SPOCK3: variants seen among roughly 807,000 people sequenced by gnomAD.
SPOCK3 encodes testican-3.
A neutral mutation model predicts 56.6 loss-of-function variants in SPOCK3; 30 were observed. That is an observed-to-expected ratio of 0.53 (90% CI 0.40 to 0.72). SPOCK3 has a LOEUF of 0.72. Among genes scored for constraint, SPOCK3 ranks in the 30% least tolerant of loss-of-function variants. The probability of loss-of-function intolerance (pLI) is 0.00; values close to 1 mark genes in which losing one functional copy is unlikely to be tolerated. For missense variants in SPOCK3, 527 were observed against 530.0 expected, an observed-to-expected ratio of 0.99 and a Z score of 0.06; for synonymous variants, 196 against 183.3, an observed-to-expected ratio of 1.07 and a Z score of -0.56.
intron 2 of SPOCK3, among the ~76,000 whole-genome samples, chr4:167,146,591 C>T (rs559221764): frequency 1.4e-4 from 21 of 152,104 alleles, no homozygotes; most frequent in South Asian, 4.1e-4. Context: ...TGCGAAAGAA[C>T]GGAAATAATA....
chr4:166,928,440 C>T (rs1375348441), intron 4 of SPOCK3, among the ~76,000 whole-genome samples: 1 of 152,138 alleles, frequency 6.6e-6, no homozygotes, highest in Non-Finnish European at 1.5e-5. Flanking sequence ...CCAGGAAAGG[C>T]TACCTACTGT....
intron 6 of SPOCK3, among the ~76,000 whole-genome samples, chr4:166,875,012 G>A (rs1732930547): frequency 6.6e-6 from 1 of 151,968 alleles, no homozygotes; most frequent in African/African-American, 2.4e-5. Flanking sequence ...GCTTACATAT[G>A]GCTAAAATCT....
rs547405785 is a variant in SPOCK3, at chr4:167,171,833, C to T, written c.189+62152G>A. 9.4e-5 allele frequency among the ~76,000 whole-genome samples: 14 copies of T among 148,648 alleles called. No homozygotes were observed. In the East Asian group the frequency reaches 1.2e-3, roughly 13 times the overall value. ...TATTTATATTCTCTTGTACATGGGA[C>T]GAGACAGGAATAAATAGAAAGATAA... On this transcript the variant is annotated intron_variant, in intron 2 of 10. Coordinates refer to ENST00000357545, the MANE Select transcript of SPOCK3 (RefSeq NM_001040159.2).
At chr4:167,035,230 C>T (rs1475150240) in intron 3 of SPOCK3, among the ~76,000 whole-genome samples, 1 of 151,922 alleles carries the variant, frequency 6.6e-6, no homozygotes, top group East Asian at 1.9e-4. Context: ...CTCAAGAGAC[C>T]TGATGTAGCA....
intron 4 of SPOCK3, among the ~76,000 whole-genome samples, chr4:166,950,326 A>G (rs1742393007): frequency 6.6e-6 from 1 of 151,486 alleles, no homozygotes; most frequent in Non-Finnish European, 1.5e-5. Context: ...ACAAAGATCA[A>G]AAGAGACAAA....
At chr4:166,787,890 A>C (rs1740902455) in intron 7 of SPOCK3, among the ~76,000 whole-genome samples, 1 of 152,190 alleles carries the variant, frequency 6.6e-6, no homozygotes, top group Non-Finnish European at 1.5e-5. Context: ...ATTATAAAAA[A>C]CATAAATTTG....
intron 3 of SPOCK3, among the ~76,000 whole-genome samples, chr4:167,022,426 T>C (rs1751280913): frequency 6.6e-6 from 1 of 151,960 alleles, no homozygotes; most frequent in Admixed American, 6.6e-5. Flanking sequence ...TGTAGGAACA[T>C]ACCATCATTA....
At chr4:167,063,626 G>A (rs1755819939) in intron 2 of SPOCK3, among the ~76,000 whole-genome samples, 1 of 151,812 alleles carries the variant, frequency 6.6e-6, no homozygotes. Flanking sequence ...ACCATCACCT[G>A]AATAGCGTAC....
intron 7 of SPOCK3, 77 bp from the exon 8 acceptor site, chr4:166,754,806 C>A: frequency 7.4e-7 from 1 of 1,351,192 alleles, no homozygotes; most frequent in Non-Finnish European, 1.0e-6. Flanking sequence ...GTCAACATAG[C>A]AGGTAGCTAG....
At chr4:166,793,885 C>A (rs10018183) in intron 6 of SPOCK3, among the ~76,000 whole-genome samples, 18,535 of 152,006 alleles carry the variant, frequency 0.12, 1,284 homozygotes, top group African/African-American at 0.19. Flanking sequence ...ACCATCCATA[C>A]AATCTTTCCC....
intron 3 of SPOCK3, among the ~76,000 whole-genome samples, chr4:167,020,877 G>T: frequency 6.6e-6 from 1 of 152,094 alleles, no homozygotes; most frequent in East Asian, 1.9e-4. Flanking sequence ...CAAAATTGTT[G>T]GGATAAAGTT....
chr4:167,232,923 C>A (rs1266567036), intron 2 of SPOCK3, among the ~76,000 whole-genome samples: 2 of 152,088 alleles, frequency 1.3e-5, no homozygotes, highest in Non-Finnish European at 2.9e-5. Flanking sequence ...GTGACTGAGT[C>A]GGAGCTGATG....
intron 2 of SPOCK3, among the ~76,000 whole-genome samples, chr4:167,093,210 A>G (rs1352455590): frequency 6.6e-6 from 1 of 152,132 alleles, no homozygotes; most frequent in Admixed American, 6.5e-5. Context: ...CAAATCTTAG[A>G]ATCCTTTTGT....
intron 2 of SPOCK3, among the ~76,000 whole-genome samples, chr4:167,231,034 C>T (rs745995430): frequency 1.3e-5 from 2 of 152,032 alleles, no homozygotes; most frequent in South Asian, 2.1e-4. Flanking sequence ...TGAGCCTCAA[C>T]GGCAGTAGTT....
chr4:166,875,145 G>T (rs372602917), intron 6 of SPOCK3, among the ~76,000 whole-genome samples: 2 of 151,898 alleles, frequency 1.3e-5, no homozygotes, highest in South Asian at 4.1e-4. Flanking sequence ...TGATAGGTTG[G>T]TTATTACTTT....
chr4:167,226,358 A>G (rs1736594713), intron 2 of SPOCK3, among the ~76,000 whole-genome samples: 1 of 152,138 alleles, frequency 6.6e-6, no homozygotes, highest in Non-Finnish European at 1.5e-5. Context: ...GCACTACTCA[A>G]GCATGTCCAT....
chr4:167,115,678 AGTT>A (rs1472285477), intron 2 of SPOCK3, among the ~76,000 whole-genome samples: 1 of 152,120 alleles, frequency 6.6e-6, no homozygotes, highest in East Asian at 1.9e-4. Context: ...AGGAAAATGC[AGTT>A]GTTAGGAAGT....
intron 6 of SPOCK3, among the ~76,000 whole-genome samples, chr4:166,835,299 G>A (rs192525478): frequency 2.0e-4 from 30 of 152,210 alleles, no homozygotes; most frequent in Admixed American, 1.6e-3. Flanking sequence ...TCTATTTACA[G>A]AATTCATAAA....
In SPOCK3 at chr4:166,912,690, G is replaced by A; in HGVS notation, c.404C>T (p.Thr135Ile). The A allele has an allele frequency of 6.2e-7, 1 of 1,613,434 alleles. No individual in the cohort carries two copies. Among genetic ancestry groups the A allele is most frequent in the South Asian group, 1.1e-5 (1 of 91,034 alleles). ...ATAGACCACTGGGCACTGCTTGCAG[G>A]TGGATAATATGGGACCCCTCCACTG... ...HRQWRGPILS[T>I]CKQCPVVYPS... Residue 135 changes from threonine to isoleucine, a missense_variant, in exon 5 of 11, where the codon ACC becomes ATC. Transcript: ENST00000357545.
Sources: gnomAD v4.1 joint callset for allele counts (sites outside exome capture counted in the v4.1 genomes callset) on GRCh38, gnomAD v4.1.1 for gene constraint, MANE v1.5 for transcripts, NCBI Gene and HGNC (gene_info 2026-07-23, HGNC 2026-07-21) for gene names.